Variants in TTC7B observed in about 807,000 individuals in gnomAD.
The protein encoded by TTC7B is tetratricopeptide repeat protein 7B.
A neutral mutation model predicts 106.8 loss-of-function variants in TTC7B; 28 were observed. The observed-to-expected ratio is 0.26, with a 90% confidence interval of 0.19 to 0.36. TTC7B has a LOEUF of 0.36. Ranked by LOEUF, TTC7B falls within the 10% of genes least tolerant of loss-of-function variation. TTC7B has a pLI of 1.00. For missense variants in TTC7B, 862 were observed against 1,076.4 expected (o/e 0.80, Z 2.79); for synonymous variants, 405 against 430.6 (o/e 0.94, Z 0.74).
intron 9 of TTC7B, among the ~76,000 whole-genome samples, chr14:90,666,511 G>A (rs184294941): frequency 2.4e-4 from 37 of 152,292 alleles, no homozygotes; most frequent in Admixed American, 1.1e-3. Context: ...AGTTTGAGAG[G>A]TCTATCTACA....
chr14:90,712,927 G>T (rs1235577239), intron 5 of TTC7B, among the ~76,000 whole-genome samples: 1 of 152,114 alleles, frequency 6.6e-6, no homozygotes, highest in Non-Finnish European at 1.5e-5. Flanking sequence ...CAGACATACA[G>T]ATCAATGAAA....
At position 90,808,412 on chromosome 14, in the gene TTC7B, T is replaced by C. The variant is rs77693117; in HGVS notation, c.121+7763A>G. Among the ~76,000 whole-genome samples the C allele has an allele frequency of 0.019, 2,968 of 152,296 alleles. 73 individuals carry two copies. Among genetic ancestry groups the C allele is most frequent in the African/African-American group, 0.059 (2,467 of 41,560 alleles). On this transcript the variant is annotated intron_variant, in intron 1 of 19. Coordinates refer to ENST00000328459, the MANE Select transcript of TTC7B (RefSeq NM_001010854.2). The surrounding 1 kb of genome is among the most constrained non-coding windows in gnomAD (Gnocchi z 4.2). ...GCTACAGTTTCAGATGATCATGTGA[T>C]GTGTACAAGGTGGCTTGGAGGGCAA...
At chr14:90,588,315 T>C (rs1891805841) in intron 18 of TTC7B, among the ~76,000 whole-genome samples, 1 of 152,346 alleles carries the variant, frequency 6.6e-6, no homozygotes, top group East Asian at 1.9e-4. Flanking sequence ...TGATCTTGCA[T>C]ATCTAAGAAT....
chr14:90,727,054 G>A (rs1566858147), intron 5 of TTC7B, among the ~76,000 whole-genome samples: 1 of 151,982 alleles, frequency 6.6e-6, no homozygotes. Flanking sequence ...ATGTGAAGGA[G>A]AAGAAAAAGA....
intron 19 of TTC7B, among the ~76,000 whole-genome samples, chr14:90,562,039 A>T (rs1422361357): frequency 6.6e-6 from 1 of 152,094 alleles, no homozygotes; most frequent in African/African-American, 2.4e-5. Flanking sequence ...TATCTCAGGC[A>T]GTCTTGTCTC....
At position 90,689,626 on chromosome 14, in the gene TTC7B, C is replaced by T; in HGVS notation, c.864G>A (p.Gln288=). The change falls in exon 7 of 20, where the codon CAG becomes CAA. Residue 288 remains glutamine, a synonymous_variant. Coordinates refer to ENST00000328459, the MANE Select transcript of TTC7B (RefSeq NM_001010854.2). ...TGCGGAGAGGATCGTCCAGAGGTGA[C>T]TGGCACGGTGGATCCTCCAGAGGGT... ...YWNPLEDPPC[Q]SPLDDPLRKG... 1 of 1,614,150 alleles carries T rather than the reference C, an allele frequency of 6.2e-7. No homozygotes were observed. Among genetic ancestry groups the T allele is most frequent in the South Asian group, 1.1e-5 (1 of 91,088 alleles).
chr14:90,783,642 A>C (rs1487378576), intron 2 of TTC7B, among the ~76,000 whole-genome samples: 1 of 152,208 alleles, frequency 6.6e-6, no homozygotes, highest in Non-Finnish European at 1.5e-5. Context: ...TTTTAACTTG[A>C]ATTAAATTCA....
intron 15 of TTC7B, among the ~76,000 whole-genome samples, chr14:90,634,453 A>AG (rs1491489940): frequency 6.6e-6 from 1 of 151,904 alleles, no homozygotes; most frequent in Non-Finnish European, 1.5e-5. Flanking sequence ...AAAAAAAAAA[A>AG]GACCTATCTG....
In TTC7B at chr14:90,797,514, C is replaced by T. The variant is rs1182087309; in HGVS notation, c.122-11186G>A. Among the ~76,000 whole-genome samples the T allele has an allele frequency of 2.0e-5, 3 of 151,518 alleles. 1 individual carries two copies. The highest frequency in any genetic ancestry group is 1.3e-4 in the Admixed American group (2 of 15,110). ...GAACTCCAGCTCCTCGTTTACTGGGCTTCCTGTAATCCCGGGTAACCCAGC... is the reference window on the plus strand; with the variant it reads ...GAACTCCAGCTCCTCGTTTACTGGGTTTCCTGTAATCCCGGGTAACCCAGC... On this transcript the variant is annotated intron_variant, in intron 1 of 19. Transcript: ENST00000328459.
chr14:90,594,554 A>C (rs1479778641), intron 17 of TTC7B, among the ~76,000 whole-genome samples: 3 of 152,174 alleles, frequency 2.0e-5, no homozygotes, highest in African/African-American at 7.2e-5. Context: ...AGTTGTTTCA[A>C]ATTTGAAACT....
chr14:90,598,823 C>T (rs1892316870), intron 17 of TTC7B, among the ~76,000 whole-genome samples: 1 of 152,238 alleles, frequency 6.6e-6, no homozygotes. Flanking sequence ...GTTCATCATC[C>T]AAAGGGATCC....
At chr14:90,694,610 A>G (rs1283781989) in intron 6 of TTC7B, among the ~76,000 whole-genome samples, 1 of 148,022 alleles carries the variant, frequency 6.8e-6, no homozygotes, top group Admixed American at 6.8e-5. Context: ...TTATAAATAT[A>G]TGTATAATAT....
chr14:90,743,686 C>T (rs930044226), intron 4 of TTC7B, among the ~76,000 whole-genome samples: 6 of 152,304 alleles, frequency 3.9e-5, no homozygotes, highest in Middle Eastern at 3.4e-3. Flanking sequence ...AATATGTTCA[C>T]GAATCTGGGC....
At chr14:90,739,362 C>T (rs900609691) in intron 4 of TTC7B, among the ~76,000 whole-genome samples, 1 of 152,254 alleles carries the variant, frequency 6.6e-6, no homozygotes, top group African/African-American at 2.4e-5. Context: ...GCACAATCAC[C>T]TGGCCCTCTG....
chr14:90,816,065 G>T (rs1380267426), intron 1 of TTC7B, 110 bp downstream of exon 1: 7 of 975,708 alleles, frequency 7.2e-6, no homozygotes, highest in African/African-American at 1.8e-5. Context: ...GCTCCCTCGC[G>T]GCCCGGCCGC....
At chr14:90,777,533 C>T (rs1274599913) in intron 3 of TTC7B, among the ~76,000 whole-genome samples, 2 of 152,138 alleles carry the variant, frequency 1.3e-5, no homozygotes, top group South Asian at 4.1e-4. Context: ...TATCTGAAAA[C>T]CCTGGCCAAC....
intron 5 of TTC7B, among the ~76,000 whole-genome samples, chr14:90,724,068 C>G (rs1888997031): frequency 6.6e-6 from 1 of 152,144 alleles, no homozygotes; most frequent in Non-Finnish European, 1.5e-5. Flanking sequence ...CACACTCTAC[C>G]AACCACTGGA....
chr14:90,789,932 C>T (rs1034830795), intron 1 of TTC7B, among the ~76,000 whole-genome samples: 1 of 151,158 alleles, frequency 6.6e-6, no homozygotes, highest in African/African-American at 2.4e-5. Flanking sequence ...GGTCAACATG[C>T]AATCATATTT....
At chr14:90,766,134 C>T (rs976285266) in intron 3 of TTC7B, among the ~76,000 whole-genome samples, 1 of 105,980 alleles carries the variant, frequency 9.4e-6, no homozygotes, top group Non-Finnish European at 1.9e-5. Flanking sequence ...CAGCCTACAA[C>T]GTTTTTTTTT....
Sources: gnomAD v4.1 joint callset for allele counts (sites outside exome capture counted in the v4.1 genomes callset) on GRCh38, gnomAD v4.1.1 for gene constraint, Gnocchi (gnomAD v3.1) non-coding constraint, MANE v1.5 for transcripts, NCBI Gene and HGNC (gene_info 2026-07-23, HGNC 2026-07-21) for gene names.